Variants in UTRN observed in about 807,000 individuals in gnomAD.
UTRN encodes the protein utrophin.
Under a neutral mutation model 463.9 loss-of-function variants are expected in UTRN, and 283 were observed. The observed-to-expected ratio is 0.61, with a 90% CI of 0.55 to 0.67. The LOEUF is 0.67. Ranked by LOEUF, UTRN falls within the 30% of genes least tolerant of loss-of-function variation. UTRN has a pLI of 0.00. For synonymous variants in UTRN, 1,442 were observed against 1,431.5 expected, an observed-to-expected ratio of 1.01 and a Z score of -0.17; for missense variants, 3,922 against 4,084.3, an observed-to-expected ratio of 0.96 and a Z score of 1.08.
At chr6:144,801,003 C>T (rs17074210) in intron 64 of UTRN, among the ~76,000 whole-genome samples, 16,759 of 151,994 alleles carry the variant, frequency 0.11, 1,635 homozygotes, top group Admixed American at 0.32. Context: ...GGATTCTATC[C>T]GTGTCGTTAT....
At chr6:144,551,998 C>T (rs946450830) in intron 48 of UTRN, among the ~76,000 whole-genome samples, 1 of 152,178 alleles carries the variant, frequency 6.6e-6, no homozygotes, top group Non-Finnish European at 1.5e-5. Context: ...GGCCTTTCCC[C>T]CCATTGCTTT....
At chr6:144,475,729 C>T (rs1424098314) in intron 25 of UTRN, among the ~76,000 whole-genome samples, 1 of 152,028 alleles carries the variant, frequency 6.6e-6, no homozygotes, top group East Asian at 1.9e-4. Context: ...AGTCCTCCTG[C>T]CTCCTGGGTA....
chr6:144,769,095 A>G (rs1300564001), intron 58 of UTRN, among the ~76,000 whole-genome samples: 1 of 151,602 alleles, frequency 6.6e-6, no homozygotes, highest in Admixed American at 6.6e-5. Flanking sequence ...CTCCCTGTTC[A>G]TATTTGAGAT....
rs1041846829 is a variant in UTRN, at chr6:144,511,120, G to A, written c.4941G>A (p.Leu1647=). ...RTWTEDWCNT[L]MNHQNQLEIF... ...GGACTGAAGATTGGTGCAATACCTT[G>A]ATGGTATGTCTCAGGAAAAAGTAAA... The change falls in exon 35 of 75, where the codon TTG becomes TTA. Residue 1647 remains leucine, a synonymous_variant. Transcript: ENST00000367545. 2 of 1,552,834 alleles carry A rather than the reference G, an allele frequency of 1.3e-6. No individual in the cohort carries two copies. Among genetic ancestry groups the A allele is most frequent in the Non-Finnish European group, 1.8e-6 (2 of 1,142,088 alleles).
At chr6:144,557,975 A>G (rs1256294400) in intron 50 of UTRN, among the ~76,000 whole-genome samples, 4 of 152,198 alleles carry the variant, frequency 2.6e-5, no homozygotes, top group Non-Finnish European at 5.9e-5. Context: ...CATTAGTAAA[A>G]AAAGATGTTT....
chr6:144,351,736 A>G (rs940976228), intron 2 of UTRN, among the ~76,000 whole-genome samples: 3 of 152,232 alleles, frequency 2.0e-5, no homozygotes, highest in Non-Finnish European at 2.9e-5. Flanking sequence ...GTGAACTGTC[A>G]TAGTAGTCTG....
intron 2 of UTRN, among the ~76,000 whole-genome samples, chr6:144,378,032 T>C (rs921518872): frequency 2.6e-5 from 4 of 152,230 alleles, no homozygotes; most frequent in African/African-American, 9.6e-5. Context: ...TGGTCTGCCT[T>C]TAGGGACTAT....
chr6:144,396,688 G>A lies in UTRN; in HGVS notation c.80-6435G>A, dbSNP rs1165118245. Among the ~76,000 whole-genome samples the A allele has an allele frequency of 2.0e-5, 3 of 152,152 alleles. No homozygotes were observed. The East Asian group carries it at 5.8e-4, about 29-fold the overall frequency. On this transcript the variant is annotated intron_variant, in intron 2 of 74. Transcript: ENST00000367545. ...TGTGTGGATGAATTGTATGGTAGGT[G>A]AATTTTATACCTCCATAAAACAGGT...
chr6:144,439,773 G>A (rs1240958625), intron 12 of UTRN, among the ~76,000 whole-genome samples: 1 of 152,178 alleles, frequency 6.6e-6, no homozygotes, highest in African/African-American at 2.4e-5. Flanking sequence ...AAAGTGCTGG[G>A]ATTACAGGTG....
intron 50 of UTRN, among the ~76,000 whole-genome samples, chr6:144,572,112 C>T (rs879569412): frequency 3.3e-5 from 5 of 152,052 alleles, no homozygotes; most frequent in East Asian, 3.9e-4. Flanking sequence ...AGTTTTGTCA[C>T]GTTAAAACAG....
intron 14 of UTRN, among the ~76,000 whole-genome samples, chr6:144,445,299 C>T (rs1405202765): frequency 3.6e-5 from 5 of 139,454 alleles, no homozygotes; most frequent in Non-Finnish European, 7.5e-5. Flanking sequence ...TGCAGTGAGC[C>T]GAGACTGTGC....
intron 52 of UTRN, among the ~76,000 whole-genome samples, chr6:144,697,046 T>G (rs1784088023): frequency 6.6e-6 from 1 of 152,130 alleles, no homozygotes; most frequent in Non-Finnish European, 1.5e-5. Context: ...TGCATTACAT[T>G]TTTTAAGAAT....
At chr6:144,402,748 A>G (rs1783036568) in intron 2 of UTRN, among the ~76,000 whole-genome samples, 2 of 152,288 alleles carry the variant, frequency 1.3e-5, no homozygotes, top group Non-Finnish European at 2.9e-5. Context: ...GCATGCTGAC[A>G]TTTTGATTAT....
rs575956106 is a variant in UTRN at position 144,479,764 on chromosome 6, G to A, written c.3337-48G>A. ...ATATTAAGAGCTAAAACTTGACATT[G>A]AACACATTAACATTTGTTTATTTGG... On this transcript the variant is annotated intron_variant, in intron 25 of 74. Coordinates refer to ENST00000367545, the MANE Select transcript of UTRN (RefSeq NM_007124.3). The A allele has an allele frequency of 1.9e-4, 298 of 1,567,674 alleles. 9 individuals are homozygous for A. In the South Asian group the frequency reaches 3.3e-3, roughly 18 times the overall value.
rs542367556 is a variant in UTRN at position 144,535,142 on chromosome 6, G to A, written c.6233+1882G>A. On this transcript the variant is annotated intron_variant, in intron 43 of 74. Transcript: ENST00000367545. ...GTCACCCAGGCTAGAGTGCAGTGGC[G>A]TGATCTCAGCTCACTGCAACCTCTG... 2.0e-5 allele frequency among the ~76,000 whole-genome samples: 3 copies of A among 152,258 alleles called. No individual in the cohort carries two copies. In the South Asian group the frequency reaches 6.2e-4, roughly 32 times the overall value.
chr6:144,348,886 G>A lies in UTRN; in HGVS notation c.80-54237G>A, dbSNP rs1488391424. 2.6e-5 allele frequency among the ~76,000 whole-genome samples: 4 copies of A among 151,974 alleles called. No individual in the cohort carries two copies. In the South Asian group the frequency reaches 8.3e-4, roughly 31 times the overall value. On this transcript the variant is annotated intron_variant, in intron 2 of 74. Coordinates refer to ENST00000367545, the MANE Select transcript of UTRN (RefSeq NM_007124.3). ...GAGGCAGAGGTTGTGGTGAGCAGAG[G>A]TTGCGCCATTGCACTCTAGCCTGGG...
At chr6:144,845,940 A>G (rs933445408) in intron 73 of UTRN, among the ~76,000 whole-genome samples, 2 of 152,006 alleles carry the variant, frequency 1.3e-5, no homozygotes, top group African/African-American at 2.4e-5. Flanking sequence ...CCCACTCAGC[A>G]TAGAACAGTG....
At chr6:144,616,534 GT>G (rs34068161) in intron 51 of UTRN, among the ~76,000 whole-genome samples, 130,277 of 137,402 alleles carry the variant, frequency 0.95, 61,794 homozygotes, top group East Asian at 0.98. Context: ...TTGTCTGATA[GT>G]TTTTTTTTTT....
intron 50 of UTRN, among the ~76,000 whole-genome samples, chr6:144,571,007 G>A (rs143911208): frequency 1.3e-5 from 2 of 152,052 alleles, no homozygotes; most frequent in Non-Finnish European, 2.9e-5. Flanking sequence ...CCTATTATGT[G>A]CATATGAATA....
Sources: gnomAD v4.1 joint callset for allele counts (sites outside exome capture counted in the v4.1 genomes callset) on GRCh38, gnomAD v4.1.1 for gene constraint, MANE v1.5 for transcripts, NCBI Gene and HGNC (gene_info 2026-07-23, HGNC 2026-07-21) for gene names.